TMEM132D: variants seen among roughly 807,000 people sequenced by gnomAD.
TMEM132D encodes mature OL transmembrane protein.
A neutral mutation model predicts 62.3 loss-of-function variants in TMEM132D; 21 were observed. The observed-to-expected ratio is 0.34, with a 90% CI of 0.24 to 0.49. The LOEUF is 0.49. Ranked by LOEUF, TMEM132D falls within the 20% of genes least tolerant of loss-of-function variation. TMEM132D has a pLI of 0.99. For synonymous variants in TMEM132D, 621 were observed against 575.6 expected (o/e 1.08, Z -1.13); for missense variants, 1,346 against 1,402.8 (o/e 0.96, Z 0.65).
intron 3 of TMEM132D, among the ~76,000 whole-genome samples, chr12:129,387,507 A>G (rs1871143795): frequency 6.6e-6 from 1 of 152,264 alleles, no homozygotes; most frequent in East Asian, 1.9e-4. Context: ...TAATGCCAAC[A>G]CTAACAATAA....
At chr12:129,246,079 C>T (rs1880098290) in intron 4 of TMEM132D, among the ~76,000 whole-genome samples, 1 of 151,904 alleles carries the variant, frequency 6.6e-6, no homozygotes, top group African/African-American at 2.4e-5. Context: ...TCCACTGGCT[C>T]CTATAAGCAT....
In TMEM132D at chr12:129,537,060, T is replaced by G. The variant is rs146258323; in HGVS notation, c.969-5855A>C. Among the ~76,000 whole-genome samples the G allele has an allele frequency of 8.2e-3, 1,222 of 148,318 alleles. 23 individuals are homozygous for G. The highest frequency in any genetic ancestry group is 0.029 in the African/African-American group (1,162 of 40,126). On this transcript the variant is annotated intron_variant, in intron 2 of 8. Coordinates refer to ENST00000422113, the MANE Select transcript of TMEM132D (RefSeq NM_133448.3). The stretch of plus-strand genomic sequence containing the variant: ...AATCCCACCCAGCTACTCAGGAGGC[T>G]GAGACGGGAGAATTGCTTGAACCCG...
At chr12:129,553,451 G>A (rs7961169) in intron 2 of TMEM132D, among the ~76,000 whole-genome samples, 132,315 of 152,202 alleles carry the variant, frequency 0.87, 57,592 homozygotes, top group East Asian at 0.99. Context: ...AAACTACCAC[G>A]TTGTCACTTG....
At chr12:129,489,171 C>T (rs1455594599) in intron 3 of TMEM132D, among the ~76,000 whole-genome samples, 2 of 152,190 alleles carry the variant, frequency 1.3e-5, no homozygotes, top group South Asian at 2.1e-4. Context: ...TGAAGGATTC[C>T]TTTTTCTCCT....
intron 2 of TMEM132D, among the ~76,000 whole-genome samples, chr12:129,625,122 C>T (rs552950326): frequency 6.6e-6 from 1 of 152,194 alleles, no homozygotes; most frequent in Non-Finnish European, 1.5e-5. Flanking sequence ...ATTCCTCATC[C>T]GTTCAGTCTC....
chr12:129,284,659 G>C (rs1445606970), intron 4 of TMEM132D, among the ~76,000 whole-genome samples: 1 of 152,234 alleles, frequency 6.6e-6, no homozygotes, highest in Non-Finnish European at 1.5e-5. Context: ...GGTGAAAACA[G>C]TCCAAATGCC....
intron 5 of TMEM132D, among the ~76,000 whole-genome samples, chr12:129,122,903 T>C (rs112136223): frequency 2.8e-3 from 432 of 152,316 alleles, no homozygotes; most frequent in African/African-American, 9.6e-3. Context: ...TTATGGTGAA[T>C]GATTTCCAGG....
intron 3 of TMEM132D, among the ~76,000 whole-genome samples, chr12:129,422,679 C>A (rs1362557585): frequency 1.3e-5 from 2 of 152,116 alleles, no homozygotes; most frequent in Non-Finnish European, 2.9e-5. Flanking sequence ...ATAAATCTCA[C>A]TTGTGAATTT....
chr12:129,164,138 T>G (rs1053812622), intron 5 of TMEM132D, among the ~76,000 whole-genome samples: 4 of 152,278 alleles, frequency 2.6e-5, no homozygotes, highest in African/African-American at 7.2e-5. Flanking sequence ...CAGCCTGGAC[T>G]GAAAAAAACC....
At chr12:129,466,928 T>C (rs1037986722) in intron 3 of TMEM132D, among the ~76,000 whole-genome samples, 4 of 152,192 alleles carry the variant, frequency 2.6e-5, no homozygotes, top group African/African-American at 9.6e-5. Context: ...CCAAGGTGTC[T>C]ATTGACCTAC....
intron 4 of TMEM132D, among the ~76,000 whole-genome samples, chr12:129,268,038 A>G (rs897819515): frequency 6.6e-6 from 1 of 152,198 alleles, no homozygotes; most frequent in Non-Finnish European, 1.5e-5. Flanking sequence ...TCAATTCAAG[A>G]TGGATTAAAG....
chr12:129,429,515 C>G (rs1202501839), intron 3 of TMEM132D, among the ~76,000 whole-genome samples: 1 of 151,930 alleles, frequency 6.6e-6, no homozygotes, highest in African/African-American at 2.4e-5. Context: ...ACTGGGAAAC[C>G]TTTCTCACCT....
At chr12:129,374,204 G>A (rs1238231191) in intron 3 of TMEM132D, among the ~76,000 whole-genome samples, 1 of 151,754 alleles carries the variant, frequency 6.6e-6, no homozygotes, top group African/African-American at 2.4e-5. Flanking sequence ...GTGCTAGCAT[G>A]GTCAGGTGAG....
intron 2 of TMEM132D, among the ~76,000 whole-genome samples, chr12:129,579,721 C>T (rs1428227145): frequency 5.3e-5 from 8 of 152,282 alleles, no homozygotes; most frequent in African/African-American, 1.9e-4. Context: ...ATGGATGGTG[C>T]CCACCCACAT....
chr12:129,294,042 TG>T (rs1310011747), intron 4 of TMEM132D, among the ~76,000 whole-genome samples: 2 of 152,230 alleles, frequency 1.3e-5, no homozygotes, highest in Non-Finnish European at 2.9e-5. Flanking sequence ...GAAATTGGGT[TG>T]CACCCTTGTA....
At chr12:129,251,339 CAG>C (rs1880258008) in intron 4 of TMEM132D, among the ~76,000 whole-genome samples, 1 of 117,080 alleles carries the variant, frequency 8.5e-6, no homozygotes, top group African/African-American at 3.5e-5. Flanking sequence ...AGCCTGGCGA[CAG>C]AGTGAGACAC....
chr12:129,770,675 C>T (rs1024440129), intron 1 of TMEM132D, among the ~76,000 whole-genome samples: 2 of 152,188 alleles, frequency 1.3e-5, no homozygotes, highest in African/African-American at 4.8e-5. Flanking sequence ...CGGAACATCA[C>T]AGCTCAGCCT....
At chr12:129,312,163 A>G (rs899826914) in intron 4 of TMEM132D, among the ~76,000 whole-genome samples, 3 of 152,222 alleles carry the variant, frequency 2.0e-5, no homozygotes, top group Non-Finnish European at 2.9e-5. Flanking sequence ...GGAGATGAAG[A>G]TAAATAGTCA....
At chr12:129,246,943 C>G (rs1445636607) in intron 4 of TMEM132D, among the ~76,000 whole-genome samples, 1 of 152,074 alleles carries the variant, frequency 6.6e-6, no homozygotes, top group Non-Finnish European at 1.5e-5. Context: ...TTTTAAGGTT[C>G]AGAATAAATT....
Sources: gnomAD v4.1 joint callset for allele counts (sites outside exome capture counted in the v4.1 genomes callset) on GRCh38, gnomAD v4.1.1 for gene constraint, MANE v1.5 for transcripts, NCBI Gene and HGNC (gene_info 2026-07-23, HGNC 2026-07-21) for gene names.